Variants in SLC24A2 observed in about 807,000 individuals in gnomAD.
The protein encoded by SLC24A2 is solute carrier family 24 member 2.
Under a neutral mutation model 62.0 loss-of-function variants are expected in SLC24A2, and 36 were observed. That is an observed-to-expected ratio of 0.58 (90% CI 0.44 to 0.77). SLC24A2 has a LOEUF of 0.77. SLC24A2 is among the 30% of genes least tolerant of loss of function. The pLI is 0.00. For synonymous variants in SLC24A2, 358 were observed against 294.0 expected, an observed-to-expected ratio of 1.22 and a Z score of -2.23; for missense variants, 846 against 817.9, an observed-to-expected ratio of 1.03 and a Z score of -0.42.
At chr9:20,120,403 C>T in the SLC24A2 span, among the ~76,000 whole-genome samples, 1 of 152,124 alleles carries the variant, frequency 6.6e-6, no homozygotes, top group African/African-American at 2.4e-5. Flanking sequence ...ATGTCCTTTG[C>T]AGCTGGAGTT....
chr9:20,016,651 G>C, the SLC24A2 span, among the ~76,000 whole-genome samples: 1 of 152,200 alleles, frequency 6.6e-6, no homozygotes, highest in Non-Finnish European at 1.5e-5. Context: ...AGCACTGAAT[G>C]TTTCTAAATC....
At chr9:19,799,679 C>T in the SLC24A2 span, among the ~76,000 whole-genome samples, 1 of 152,232 alleles carries the variant, frequency 6.6e-6, no homozygotes, top group Non-Finnish European at 1.5e-5. Context: ...GATGAGCTCA[C>T]AGCATGGCTC....
chr9:19,646,782 C>T (rs1471481773), intron 2 of SLC24A2, among the ~76,000 whole-genome samples: 2 of 152,070 alleles, frequency 1.3e-5, no homozygotes, highest in African/African-American at 2.4e-5. Flanking sequence ...AATATGGCTG[C>T]AACCAATTTT....
intron 4 of SLC24A2, among the ~76,000 whole-genome samples, chr9:19,607,942 T>G (rs1323353174): frequency 1.3e-5 from 2 of 152,172 alleles, no homozygotes; most frequent in Admixed American, 6.5e-5. Flanking sequence ...ATGTTTCAAA[T>G]TCAAATATGA....
At chr9:19,850,972 T>TAC in the SLC24A2 span, among the ~76,000 whole-genome samples, 6 of 47,836 alleles carry the variant, frequency 1.3e-4, no homozygotes, top group African/African-American at 4.5e-4. Context: ...TATATGTATA[T>TAC]ATATATATAT....
At chr9:20,038,628 CAAACAAA>C in the SLC24A2 span, among the ~76,000 whole-genome samples, 6 of 32,396 alleles carry the variant, frequency 1.9e-4, no homozygotes, top group East Asian at 2.9e-3. Context: ...GTAAAAGAAA[CAAACAAA>C]AAAAAAAAAA....
At chr9:20,083,292 C>T in the SLC24A2 span, among the ~76,000 whole-genome samples, 1 of 152,250 alleles carries the variant, frequency 6.6e-6, no homozygotes. Context: ...CCTGCATCTC[C>T]AGTTCCACCT....
the SLC24A2 span, among the ~76,000 whole-genome samples, chr9:19,805,967 A>G: frequency 3.9e-5 from 6 of 152,150 alleles, no homozygotes; most frequent in Admixed American, 3.3e-4. Flanking sequence ...ATGAATGAAT[A>G]AAGTCTTTTT....
the SLC24A2 span, among the ~76,000 whole-genome samples, chr9:20,137,180 G>A: frequency 6.6e-6 from 1 of 152,082 alleles, no homozygotes; most frequent in African/African-American, 2.4e-5. Context: ...GTGTGTAAAT[G>A]AATAATGCAT....
At chr9:20,114,028 G>C in the SLC24A2 span, among the ~76,000 whole-genome samples, 23 of 152,168 alleles carry the variant, frequency 1.5e-4, no homozygotes, top group Admixed American at 1.4e-3. Flanking sequence ...CGTAGGAAAA[G>C]AGAATCCAGA....
chr9:20,275,524 T>C, the SLC24A2 span, among the ~76,000 whole-genome samples: 32 of 152,334 alleles, frequency 2.1e-4, no homozygotes, highest in South Asian at 5.6e-3. Flanking sequence ...GATAGTACCA[T>C]ACATTCCTCT....
chr9:19,662,783 C>A (rs1013802870), intron 2 of SLC24A2, among the ~76,000 whole-genome samples: 6 of 152,116 alleles, frequency 3.9e-5, no homozygotes, highest in African/African-American at 1.4e-4. Context: ...TGATTTAATG[C>A]CCATTTTCTG....
At chr9:19,937,287 C>G in the SLC24A2 span, among the ~76,000 whole-genome samples, 2 of 152,142 alleles carry the variant, frequency 1.3e-5, no homozygotes, top group Non-Finnish European at 2.9e-5. Context: ...AGGGGTCTTC[C>G]TAAAGAAGGC....
the SLC24A2 span, among the ~76,000 whole-genome samples, chr9:20,287,309 A>G: frequency 5.1e-4 from 77 of 152,282 alleles, no homozygotes; most frequent in African/African-American, 1.8e-3. Context: ...GCAAACATTC[A>G]TCTCATTGGG....
chr9:19,559,940 T>G (rs1259674838), intron 7 of SLC24A2, among the ~76,000 whole-genome samples: 1 of 152,188 alleles, frequency 6.6e-6, no homozygotes, highest in Non-Finnish European at 1.5e-5. Flanking sequence ...ACTACTGGGT[T>G]GTGGATCATT....
the SLC24A2 span, among the ~76,000 whole-genome samples, chr9:19,979,662 A>C: frequency 6.6e-6 from 1 of 152,094 alleles, no homozygotes; most frequent in Non-Finnish European, 1.5e-5. Context: ...TTACTAGCTG[A>C]CTTTAGGATG....
At chr9:19,758,788 A>C (rs1822223659) in intron 2 of SLC24A2, among the ~76,000 whole-genome samples, 2 of 152,190 alleles carry the variant, frequency 1.3e-5, no homozygotes, top group Admixed American at 1.3e-4. Context: ...GTAAGAAAGA[A>C]ATCAAGACAG....
At chr9:19,788,411 C>G (rs1386776746) in intron 1 of SLC24A2, 1 of 732,434 alleles carries the variant, frequency 1.4e-6, no homozygotes. Flanking sequence ...GCTCGTCTCC[C>G]CGGGAGCTGC....
the SLC24A2 span, among the ~76,000 whole-genome samples, chr9:19,934,306 G>A: frequency 1.3e-5 from 2 of 152,134 alleles, no homozygotes; most frequent in East Asian, 3.9e-4. This position sits in a 1 kb window ranked among gnomAD's most constrained non-coding sequence, Gnocchi z 4.1. Flanking sequence ...TTCCCAACAG[G>A]CCAGTGAAGG....
Sources: gnomAD v4.1 joint callset for allele counts (sites outside exome capture counted in the v4.1 genomes callset) on GRCh38, gnomAD v4.1.1 for gene constraint, Gnocchi (gnomAD v3.1) non-coding constraint, MANE v1.5 for transcripts, NCBI Gene and HGNC (gene_info 2026-07-23, HGNC 2026-07-21) for gene names.